TRPM7: variants seen among roughly 807,000 people sequenced by gnomAD.
The protein encoded by TRPM7 is LTRPC ion channel family member 7.
In TRPM7, 134 loss-of-function variants were observed where a neutral mutation model predicts 229.7. That is an observed-to-expected ratio of 0.58 (90% CI 0.51 to 0.67). The LOEUF is 0.67. Among genes scored for constraint, TRPM7 ranks in the 30% least tolerant of loss-of-function variants. The pLI, the probability that TRPM7 is intolerant of heterozygous loss-of-function variation, is 0.00. For missense variants in TRPM7, 1,901 were observed against 2,210.0 expected (o/e 0.86, Z 2.80); for synonymous variants, 699 against 715.2 (o/e 0.98, Z 0.36).
At chr15:50,568,938 G>A (rs897979309) in intron 38 of TRPM7, among the ~76,000 whole-genome samples, 19 of 152,054 alleles carry the variant, frequency 1.2e-4, no homozygotes, top group South Asian at 2.1e-4. Context: ...AGCTGAGATC[G>A]CACCACTGCA....
At chr15:50,579,183 G>T (rs1420199614) in intron 30 of TRPM7, among the ~76,000 whole-genome samples, 1 of 152,154 alleles carries the variant, frequency 6.6e-6, no homozygotes, top group Non-Finnish European at 1.5e-5. Flanking sequence ...CCAAATGCAG[G>T]TTCTTTTACT....
chr15:50,568,862 A>T (rs945905219), intron 38 of TRPM7, among the ~76,000 whole-genome samples: 2 of 151,796 alleles, frequency 1.3e-5, no homozygotes, highest in African/African-American at 2.4e-5. Flanking sequence ...ACGTGCCTGT[A>T]GTCCCAGCTA....
chr15:50,639,355 G>A, intron 6 of TRPM7, 69 bp downstream of exon 6: 2 of 1,264,464 alleles, frequency 1.6e-6, no homozygotes, highest in South Asian at 3.5e-5. Context: ...TTTTAAACTG[G>A]CACTATTCTT....
At chr15:50,648,248 AAAT>A (rs1242222928) in intron 4 of TRPM7, among the ~76,000 whole-genome samples, 2 of 152,232 alleles carry the variant, frequency 1.3e-5, no homozygotes, top group Non-Finnish European at 2.9e-5. Context: ...AGGAGTAAGA[AAAT>A]AATAAAAAAT....
intron 3 of TRPM7, among the ~76,000 whole-genome samples, chr15:50,656,865 A>C (rs2061587330): frequency 6.6e-6 from 1 of 152,000 alleles, no homozygotes; most frequent in African/African-American, 2.4e-5. Context: ...CATTCACCAA[A>C]TCCTATTGCA....
intron 3 of TRPM7, 62 bp from the exon 4 acceptor site, chr15:50,648,947 A>C: frequency 7.4e-7 from 1 of 1,352,188 alleles, no homozygotes; most frequent in Middle Eastern, 1.9e-4. Flanking sequence ...AAAAAATGGA[A>C]TTAAAAGTGA....
intron 12 of TRPM7, among the ~76,000 whole-genome samples, chr15:50,620,300 ATTTTTTTCAAT>A (rs2060354071): frequency 6.8e-6 from 1 of 147,422 alleles, no homozygotes; most frequent in Non-Finnish European, 1.5e-5. Flanking sequence ...TTTTTTTTCA[ATTTTTTTCAAT>A]TTTTTTTTTT....
At chr15:50,666,870 T>C (rs1404513080) in intron 1 of TRPM7, among the ~76,000 whole-genome samples, 1 of 152,166 alleles carries the variant, frequency 6.6e-6, no homozygotes, top group African/African-American at 2.4e-5. Flanking sequence ...TACAAGGTAA[T>C]TGAAAGATAA....
At chr15:50,570,853 C>CAAA (rs370802173) in intron 36 of TRPM7, among the ~76,000 whole-genome samples, 18 of 134,816 alleles carry the variant, frequency 1.3e-4, no homozygotes, top group African/African-American at 4.8e-4. Context: ...AAATTCGTCT[C>CAAA]AAAAAAAAAA....
chr15:50,617,356 A>C (rs2060255627), intron 13 of TRPM7, among the ~76,000 whole-genome samples: 1 of 149,088 alleles, frequency 6.7e-6, no homozygotes, highest in African/African-American at 2.5e-5. Flanking sequence ...AAAACAAATC[A>C]GTCAGGCTTG....
chr15:50,602,451 G>A (rs1318503702), intron 21 of TRPM7, among the ~76,000 whole-genome samples: 1 of 152,124 alleles, frequency 6.6e-6, no homozygotes, highest in Non-Finnish European at 1.5e-5. Context: ...GTTAATGGGT[G>A]CAGCAAACCA....
intron 22 of TRPM7, among the ~76,000 whole-genome samples, chr15:50,597,716 G>A (rs1423349834): frequency 1.5e-4 from 23 of 152,040 alleles, no homozygotes. Context: ...TTCAAGACCA[G>A]CCTGGCCAAC....
intron 31 of TRPM7, among the ~76,000 whole-genome samples, chr15:50,577,385 A>T (rs2140286159): frequency 6.6e-6 from 1 of 152,200 alleles, no homozygotes; most frequent in East Asian, 1.9e-4. Context: ...TCGTCTCTAC[A>T]GAAACACAGA....
chr15:50,589,479 G>GATA, intron 27 of TRPM7, 113 bp downstream of exon 27: 2 of 697,658 alleles, frequency 2.9e-6, no homozygotes, highest in Admixed American at 6.5e-5. Flanking sequence ...GCATGTTAAT[G>GATA]ATATCTGCTA....
chr15:50,632,280 G>A (rs1596257552), intron 9 of TRPM7, among the ~76,000 whole-genome samples: 1 of 147,384 alleles, frequency 6.8e-6, no homozygotes, highest in South Asian at 2.2e-4. Flanking sequence ...GCAATGGAGC[G>A]AGACTCTGTC....
At chr15:50,665,889 A>T (rs1183564745) in intron 1 of TRPM7, among the ~76,000 whole-genome samples, 1 of 152,100 alleles carries the variant, frequency 6.6e-6, no homozygotes, top group African/African-American at 2.4e-5. Context: ...GCTACTCGAG[A>T]GACTGAGGCA....
At chr15:50,572,361 A>C (rs1208090945) in intron 36 of TRPM7, among the ~76,000 whole-genome samples, 1 of 152,220 alleles carries the variant, frequency 6.6e-6, no homozygotes, top group Non-Finnish European at 1.5e-5. Context: ...AGCAGTCATC[A>C]ACATGGAGGC....
intron 12 of TRPM7, among the ~76,000 whole-genome samples, chr15:50,622,468 C>T (rs1417564105): frequency 6.6e-6 from 1 of 152,172 alleles, no homozygotes; most frequent in Non-Finnish European, 1.5e-5. Flanking sequence ...TTTTACATTG[C>T]TTTATAGTTC....
At chr15:50,574,226 G>A (rs1383607819) in intron 36 of TRPM7, 48 bp downstream of exon 36, 1 of 1,407,620 alleles carries the variant, frequency 7.1e-7, no homozygotes, top group East Asian at 2.3e-5. Flanking sequence ...ATGAATAGGT[G>A]AGAACCTACT....
Sources: gnomAD v4.1 joint callset for allele counts (sites outside exome capture counted in the v4.1 genomes callset) on GRCh38, gnomAD v4.1.1 for gene constraint, MANE v1.5 for transcripts, NCBI Gene and HGNC (gene_info 2026-07-23, HGNC 2026-07-21) for gene names.